KAZN: variants seen among roughly 807,000 people sequenced by gnomAD.
KAZN encodes kazrin, periplakin interacting protein, also known as kazrin.
In KAZN, 40 loss-of-function variants were observed where a neutral mutation model predicts 87.4. The observed-to-expected ratio is 0.46, with a 90% CI of 0.36 to 0.60. The LOEUF (loss-of-function observed/expected upper bound fraction) is 0.60. Among genes scored for constraint, KAZN ranks in the 20% least tolerant of loss-of-function variants. The probability of loss-of-function intolerance (pLI) is 0.00; values close to 1 mark genes in which losing one functional copy is unlikely to be tolerated. For missense variants in KAZN, 898 were observed against 1,073.9 expected, an observed-to-expected ratio of 0.84 and a Z score of 2.29; for synonymous variants, 466 against 458.3, an observed-to-expected ratio of 1.02 and a Z score of -0.22.
chr1:14,362,423 T>C (rs928152656), intron 2 of KAZN, among the ~76,000 whole-genome samples: 1 of 152,174 alleles, frequency 6.6e-6, no homozygotes. Context: ...AACATTGCAA[T>C]CTTATGTGAC....
intron 1 of KAZN, among the ~76,000 whole-genome samples, chr1:14,867,176 A>AG (rs1341950767): frequency 6.6e-6 from 1 of 152,146 alleles, no homozygotes; most frequent in Non-Finnish European, 1.5e-5. Context: ...AGCCACGTTC[A>AG]GGGCCCTGTG....
At chr1:15,035,257 C>G (rs1241720813) in intron 3 of KAZN, among the ~76,000 whole-genome samples, 1 of 152,194 alleles carries the variant, frequency 6.6e-6, no homozygotes, top group Non-Finnish European at 1.5e-5. Context: ...GAATGCCGAG[C>G]ACTCAGCCTG....
chr1:13,906,071 C>T (rs180931934), intron 1 of KAZN, among the ~76,000 whole-genome samples: 2 of 152,228 alleles, frequency 1.3e-5, no homozygotes, highest in Non-Finnish European at 2.9e-5. Context: ...TCGGATAATC[C>T]AGGATAATCT....
chr1:14,935,827 C>A (rs1407010262), intron 1 of KAZN, among the ~76,000 whole-genome samples: 3 of 152,198 alleles, frequency 2.0e-5, no homozygotes, highest in Non-Finnish European at 4.4e-5. Context: ...GAGATCCTGG[C>A]CTTACCCATG....
At position 14,297,948 on chromosome 1, in the gene KAZN, C is replaced by T. The variant is rs139437110; in HGVS notation, c.249+117356C>T. ...CAATAGAAAATTGGTTAAATTGAAG[C>T]TGGGCGCGGTATCACGCCTCTAATC... On this transcript the variant is annotated intron_variant, in intron 2 of 16. Coordinates refer to the KAZN transcript ENST00000636203. Among the ~76,000 whole-genome samples the T allele has an allele frequency of 1.9e-3, 286 of 152,236 alleles. 7 individuals carry two copies. In the East Asian group the frequency reaches 0.049, roughly 26 times the overall value.
chr1:13,960,090 A>G (rs1641695688), intron 1 of KAZN, among the ~76,000 whole-genome samples: 1 of 151,830 alleles, frequency 6.6e-6, no homozygotes, highest in Admixed American at 6.6e-5. Flanking sequence ...GGAAAAAGCC[A>G]TTAATAAAAT....
At chr1:14,657,614 A>C (rs2148708817) in intron 1 of KAZN, among the ~76,000 whole-genome samples, 1 of 152,222 alleles carries the variant, frequency 6.6e-6, no homozygotes, top group East Asian at 1.9e-4. Flanking sequence ...TATCATGAGC[A>C]TTCCTAAAGG....
At chr1:14,192,775 A>G (rs184272207) in intron 2 of KAZN, among the ~76,000 whole-genome samples, 1 of 152,330 alleles carries the variant, frequency 6.6e-6, no homozygotes, top group East Asian at 1.9e-4. Flanking sequence ...AGCTGCATCA[A>G]AAAGAAATAA....
At chr1:14,289,278 G>A (rs890031544) in intron 2 of KAZN, among the ~76,000 whole-genome samples, 2 of 152,084 alleles carry the variant, frequency 1.3e-5, no homozygotes, top group African/African-American at 4.8e-5. Context: ...ATTGACAATG[G>A]GGTGTTAAAA....
At chr1:14,006,831 T>C (rs781097853) in intron 1 of KAZN, among the ~76,000 whole-genome samples, 1 of 152,216 alleles carries the variant, frequency 6.6e-6, no homozygotes, top group Non-Finnish European at 1.5e-5. Flanking sequence ...TGTGGTTCCA[T>C]GTGAATTTTA....
rs1162869625 is a variant in KAZN at position 14,063,899 on chromosome 1, A to G, written c.92-116536A>G. Among the ~76,000 whole-genome samples the G allele has an allele frequency of 2.6e-5, 4 of 152,222 alleles. No homozygotes were observed. In the South Asian group the frequency reaches 6.2e-4, roughly 24 times the overall value. ...TCACTGCTCTTCCTTGTCTTCTGCC[A>G]TGATTGTGAGGCCTCCCCAGCCATG... On this transcript the variant is annotated intron_variant, in intron 1 of 16. Transcript: ENST00000636203.
At chr1:15,013,919 G>A (rs989593902) in intron 2 of KAZN, among the ~76,000 whole-genome samples, 7 of 152,118 alleles carry the variant, frequency 4.6e-5, no homozygotes, top group African/African-American at 7.2e-5. Flanking sequence ...CAAAGGCCCC[G>A]TGGCATGCTA....
chr1:14,105,075 C>T (rs1304259774), intron 1 of KAZN, among the ~76,000 whole-genome samples: 4 of 152,144 alleles, frequency 2.6e-5, no homozygotes, highest in African/African-American at 7.2e-5. Flanking sequence ...ACACTGTGCT[C>T]TATTTTTGTT....
intron 1 of KAZN, among the ~76,000 whole-genome samples, chr1:14,956,497 T>G (rs1663127206): frequency 6.6e-6 from 1 of 151,680 alleles, no homozygotes; most frequent in Non-Finnish European, 1.5e-5. Context: ...TCCCAGCTAC[T>G]CAGGAGGCTG....
At chr1:14,745,965 G>A (rs1644251109) in intron 1 of KAZN, among the ~76,000 whole-genome samples, 1 of 152,112 alleles carries the variant, frequency 6.6e-6, no homozygotes, top group Non-Finnish European at 1.5e-5. Context: ...GTGGTCTCTT[G>A]CTCTCATGGA....
chr1:14,503,882 G>T (rs909086254), intron 2 of KAZN, among the ~76,000 whole-genome samples: 6 of 152,052 alleles, frequency 3.9e-5, no homozygotes, highest in African/African-American at 1.5e-4. Flanking sequence ...CCCACCCCCT[G>T]GTCTGATCAC....
intron 2 of KAZN, among the ~76,000 whole-genome samples, chr1:14,198,622 A>G (rs1215493887): frequency 6.6e-6 from 1 of 152,104 alleles, no homozygotes; most frequent in African/African-American, 2.4e-5. Context: ...AGAAGAAGAA[A>G]TTGATGGTTG....
At chr1:14,489,969 T>G (rs72645962) in intron 2 of KAZN, among the ~76,000 whole-genome samples, 69,438 of 151,894 alleles carry the variant, frequency 0.46, 16,394 homozygotes, top group East Asian at 0.76. Context: ...TTGTCAAAGG[T>G]TGTGAACTCA....
intron 2 of KAZN, among the ~76,000 whole-genome samples, chr1:14,360,426 C>T (rs1407420836): frequency 6.6e-6 from 1 of 152,160 alleles, no homozygotes; most frequent in East Asian, 1.9e-4. Flanking sequence ...TACACACATT[C>T]TAAAGCCTAC....
Sources: allele counts gnomAD v4.1 joint callset (sites outside exome capture counted in the v4.1 genomes callset), GRCh38; gene constraint gnomAD v4.1.1; transcripts MANE v1.5; gene names NCBI Gene and HGNC (gene_info 2026-07-23, HGNC 2026-07-21).